The following CDH12 variants were observed in gnomAD, a reference collection of about 807,000 sequenced individuals.
CDH12 encodes cadherin 12.
A neutral mutation model predicts 74.1 loss-of-function variants in CDH12; 41 were observed. That is an observed-to-expected ratio of 0.55 (90% confidence interval 0.43 to 0.72). The LOEUF (loss-of-function observed/expected upper bound fraction) is 0.72. CDH12 is among the 30% of genes least tolerant of loss of function. CDH12 has a pLI of 0.00. For synonymous variants in CDH12, 399 were observed against 355.0 expected, an observed-to-expected ratio of 1.12 and a Z score of -1.39; for missense variants, 945 against 977.2, an observed-to-expected ratio of 0.97 and a Z score of 0.44.
intron 5 of CDH12, among the ~76,000 whole-genome samples, chr5:22,007,204 C>T (rs1448931620): frequency 6.6e-6 from 1 of 152,092 alleles, no homozygotes; most frequent in Non-Finnish European, 1.5e-5. Flanking sequence ...GACTTATCTT[C>T]TCGTGTATTA....
rs73065004 is a variant in CDH12, at chr5:22,251,737, A to G, written c.-332-39094T>C. 4.2e-3 allele frequency among the ~76,000 whole-genome samples: 638 copies of G among 152,284 alleles called. 6 individuals are homozygous for G. Among genetic ancestry groups the G allele is most frequent in the African/African-American group, 0.015 (617 of 41,574 alleles). ...TAAGTGCTCTGAACACAGAAAAAGAAAGTGTTGGCTATTGGAATTCCTCTA... is the reference window on the plus strand; with the variant it reads ...TAAGTGCTCTGAACACAGAAAAAGAGAGTGTTGGCTATTGGAATTCCTCTA... On this transcript the variant is annotated intron_variant, in intron 3 of 14. Transcript: ENST00000382254.
chr5:22,251,686 T>C (rs1253062904), intron 3 of CDH12, among the ~76,000 whole-genome samples: 1 of 152,132 alleles, frequency 6.6e-6, no homozygotes, highest in East Asian at 1.9e-4. Context: ...TCTTATTAAA[T>C]AGAAGAAAAT....
At chr5:22,744,869 G>A (rs183502562) in intron 1 of CDH12, among the ~76,000 whole-genome samples, 83 of 152,082 alleles carry the variant, frequency 5.5e-4, no homozygotes, top group African/African-American at 2.0e-3. Context: ...GAGACTTTTG[G>A]TTTCTGCAAC....
intron 3 of CDH12, among the ~76,000 whole-genome samples, chr5:22,389,778 G>A (rs1297983523): frequency 6.9e-6 from 1 of 144,084 alleles, no homozygotes; most frequent in Non-Finnish European, 1.6e-5. Flanking sequence ...CTCCCAAGTA[G>A]CTGGGACTAC....
chr5:21,808,516 T>C (rs922526348), intron 9 of CDH12, among the ~76,000 whole-genome samples: 3 of 151,898 alleles, frequency 2.0e-5, no homozygotes, highest in Non-Finnish European at 4.4e-5. Context: ...GATCCGAGGA[T>C]GTAGGCTTAT....
At chr5:22,577,947 C>T (rs1739875139) in intron 1 of CDH12, among the ~76,000 whole-genome samples, 1 of 152,172 alleles carries the variant, frequency 6.6e-6, no homozygotes, top group Non-Finnish European at 1.5e-5. Flanking sequence ...AAATTAACCT[C>T]TGTAAATACT....
intron 1 of CDH12, among the ~76,000 whole-genome samples, chr5:22,552,279 A>G (rs1272418421): frequency 6.6e-6 from 1 of 152,132 alleles, no homozygotes; most frequent in Non-Finnish European, 1.5e-5. Flanking sequence ...TTTTTAAAAC[A>G]AAACAAAACA....
intron 1 of CDH12, among the ~76,000 whole-genome samples, chr5:22,754,405 C>A (rs914133913): frequency 3.4e-4 from 51 of 151,948 alleles, no homozygotes; most frequent in Non-Finnish European, 6.6e-4. Context: ...AGTGAACAGG[C>A]AGATGGAAAA....
intron 2 of CDH12, among the ~76,000 whole-genome samples, chr5:22,458,348 C>A (rs886657299): frequency 1.2e-4 from 18 of 152,054 alleles, no homozygotes; most frequent in Non-Finnish European, 1.5e-4. Flanking sequence ...GGATTAGATC[C>A]CATCCTAAAA....
At chr5:22,341,005 T>C (rs1580540759) in intron 3 of CDH12, among the ~76,000 whole-genome samples, 1 of 152,258 alleles carries the variant, frequency 6.6e-6, no homozygotes, top group African/African-American at 2.4e-5. Context: ...TAAATTTTCA[T>C]GCAGCATGTC....
chr5:22,434,861 T>TTTCC (rs1744314530), intron 2 of CDH12, among the ~76,000 whole-genome samples: 1 of 152,170 alleles, frequency 6.6e-6, no homozygotes, highest in Non-Finnish European at 1.5e-5. Context: ...CCTCAGCCTC[T>TTTCC]TTCCTTCCTT....
At chr5:22,460,874 C>T (rs536085638) in intron 2 of CDH12, among the ~76,000 whole-genome samples, 10 of 150,974 alleles carry the variant, frequency 6.6e-5, no homozygotes, top group South Asian at 2.1e-4. Context: ...GCGCCTGCCA[C>T]CACACCTGGC....
intron 3 of CDH12, among the ~76,000 whole-genome samples, chr5:22,232,094 T>A (rs1319236388): frequency 6.6e-6 from 1 of 151,820 alleles, no homozygotes; most frequent in Admixed American, 6.6e-5. Flanking sequence ...AAATATGCTG[T>A]TTTATCACAT....
chr5:21,851,468 T>A (rs1750463127), intron 7 of CDH12, among the ~76,000 whole-genome samples: 1 of 150,434 alleles, frequency 6.6e-6, no homozygotes, highest in South Asian at 2.1e-4. Context: ...ATAATTTATA[T>A]AATAAAATAA....
chr5:22,395,048 A>G (rs1339187362), intron 3 of CDH12, among the ~76,000 whole-genome samples: 1 of 152,174 alleles, frequency 6.6e-6, no homozygotes. Context: ...ACCCCAGAAC[A>G]TGTAAATGCT....
chr5:22,479,696 G>C (rs896575074), intron 2 of CDH12, among the ~76,000 whole-genome samples: 2 of 152,174 alleles, frequency 1.3e-5, no homozygotes, highest in African/African-American at 4.8e-5. Context: ...TGAGCCTTCT[G>C]TAAGAAATTC....
intron 2 of CDH12, among the ~76,000 whole-genome samples, chr5:22,436,096 C>T (rs181131152): frequency 2.1e-4 from 32 of 151,516 alleles, no homozygotes; most frequent in East Asian, 1.2e-3. Flanking sequence ...CCATAAAAAA[C>T]GATGAGTTAA....
At chr5:22,058,406 T>A (rs560306460) in intron 5 of CDH12, among the ~76,000 whole-genome samples, 5 of 152,142 alleles carry the variant, frequency 3.3e-5, no homozygotes, top group Non-Finnish European at 5.9e-5. Flanking sequence ...CATGGCTTCA[T>A]AAGGTACTAT....
intron 2 of CDH12, among the ~76,000 whole-genome samples, chr5:22,466,448 T>G (rs1316211595): frequency 6.6e-6 from 1 of 152,072 alleles, no homozygotes; most frequent in Non-Finnish European, 1.5e-5. Flanking sequence ...ATGATTGGGT[T>G]TGGGTTTGTG....
Sources: allele counts gnomAD v4.1 joint callset (sites outside exome capture counted in the v4.1 genomes callset), GRCh38; gene constraint gnomAD v4.1.1; transcripts MANE v1.5; gene names NCBI Gene and HGNC (gene_info 2026-07-23, HGNC 2026-07-21).